The following ATOSA variants were observed in gnomAD, a reference collection of about 807,000 sequenced individuals.
ATOSA encodes atos homolog A, also known as atos homolog protein A.
chr15:52,657,113 T>C, the ATOSA span: 1 of 152,144 alleles, frequency 6.6e-6, no homozygotes, highest in Admixed American at 6.5e-5. Flanking sequence ...TCATAGAAAT[T>C]AAGGTAGCCG....
At chr15:52,656,697 A>C in the ATOSA span, 1 of 152,102 alleles carries the variant, frequency 6.6e-6, no homozygotes, top group South Asian at 2.1e-4. Flanking sequence ...TTATAAGCTA[A>C]GCTACTGGAC....
the ATOSA span, among the ~76,000 whole-genome samples, chr15:52,673,471 G>A: frequency 2.6e-5 from 4 of 152,188 alleles, no homozygotes; most frequent in African/African-American, 9.7e-5. Flanking sequence ...CTATGACTCA[G>A]TTTCGTTTAT....
At chr15:52,689,965 G>A in the ATOSA span, among the ~76,000 whole-genome samples, 1 of 152,174 alleles carries the variant, frequency 6.6e-6, no homozygotes, top group Non-Finnish European at 1.5e-5. Flanking sequence ...CCTAAATGAT[G>A]GCAATGATGG....
the ATOSA span, chr15:52,608,479 T>C: frequency 7.6e-7 from 1 of 1,310,282 alleles, no homozygotes; most frequent in Middle Eastern, 2.6e-4. Flanking sequence ...AATGGAACCT[T>C]GGGCCTTTAT....
At chr15:52,584,466 G>A in the ATOSA span, among the ~76,000 whole-genome samples, 2 of 152,024 alleles carry the variant, frequency 1.3e-5, no homozygotes, top group Admixed American at 6.6e-5. Context: ...AATAGTATTC[G>A]TTTAGAAAAT....
chr15:52,609,927 T>C, the ATOSA span: 12 of 1,610,844 alleles, frequency 7.4e-6, no homozygotes, highest in African/African-American at 1.1e-4. Context: ...CTGATGTTTC[T>C]TGTGATTTTA....
the ATOSA span, chr15:52,584,918 C>A: frequency 1.2e-6 from 2 of 1,611,844 alleles, no homozygotes; most frequent in Admixed American, 3.3e-5. Flanking sequence ...ACATCTTCAC[C>A]ACAGTCTTAT....
chr15:52,640,394 C>G, the ATOSA span, among the ~76,000 whole-genome samples: 2 of 151,004 alleles, frequency 1.3e-5, no homozygotes, highest in Non-Finnish European at 3.0e-5. Context: ...GGTGAAAACC[C>G]GACTCTACTA....
chr15:52,630,006 G>A, the ATOSA span, among the ~76,000 whole-genome samples: 2 of 152,172 alleles, frequency 1.3e-5, no homozygotes, highest in African/African-American at 4.8e-5. Flanking sequence ...AGTTCAACAG[G>A]TTAGGGCAGG....
the ATOSA span, among the ~76,000 whole-genome samples, chr15:52,648,254 G>A: frequency 6.6e-6 from 1 of 152,124 alleles, no homozygotes; most frequent in Non-Finnish European, 1.5e-5. Flanking sequence ...CTAAGGCCCA[G>A]AAGGTGAAAC....
the ATOSA span, chr15:52,651,748 T>C: frequency 7.4e-6 from 7 of 941,258 alleles, no homozygotes; most frequent in Non-Finnish European, 1.1e-5. Flanking sequence ...CAAAGTGAGA[T>C]AATTTTCCTA....
At chr15:52,597,150 A>ATTCTGTTCTGTTCTGTTCTG in the ATOSA span, among the ~76,000 whole-genome samples, 1 of 41,860 alleles carries the variant, frequency 2.4e-5, no homozygotes, top group Non-Finnish European at 4.7e-5. Context: ...ATTCTATTTT[A>ATTCTGTTCTGTTCTGTTCTG]TTCTGTTCTG....
At chr15:52,699,986 T>C in the ATOSA span, among the ~76,000 whole-genome samples, 1 of 152,316 alleles carries the variant, frequency 6.6e-6, no homozygotes, top group Non-Finnish European at 1.5e-5. Flanking sequence ...TTTTCCTTAA[T>C]GCTCAGAATA....
At chr15:52,591,326 G>T in the ATOSA span, among the ~76,000 whole-genome samples, 1 of 152,188 alleles carries the variant, frequency 6.6e-6, no homozygotes, top group African/African-American at 2.4e-5. Context: ...TGCCTCCCGG[G>T]TTCAAGCGAT....
At chr15:52,698,226 G>A in the ATOSA span, among the ~76,000 whole-genome samples, 4 of 151,894 alleles carry the variant, frequency 2.6e-5, no homozygotes, top group East Asian at 1.9e-4. Context: ...TGATCTGCCC[G>A]CCTCGGCCTC....
the ATOSA span, chr15:52,593,580 T>C: frequency 1.3e-6 from 2 of 1,562,874 alleles, no homozygotes; most frequent in Non-Finnish European, 8.7e-7. Flanking sequence ...ATACTTGCCA[T>C]ATAAGGAGAG....
At chr15:52,637,271 T>C in the ATOSA span, among the ~76,000 whole-genome samples, 3 of 152,072 alleles carry the variant, frequency 2.0e-5, no homozygotes, top group African/African-American at 7.2e-5. Context: ...TTCTGTTCTA[T>C]GGCACGGTGA....
At chr15:52,627,882 C>T in the ATOSA span, among the ~76,000 whole-genome samples, 418 of 152,210 alleles carry the variant, frequency 2.7e-3, no homozygotes, top group African/African-American at 9.7e-3. Context: ...CTGATTGTGT[C>T]TTCAACAAAA....
At chr15:52,664,208 T>C in the ATOSA span, among the ~76,000 whole-genome samples, 8 of 152,198 alleles carry the variant, frequency 5.3e-5, no homozygotes, top group Non-Finnish European at 1.0e-4. Context: ...CAAATTCTCA[T>C]TTGCTCTTTA....
Sources: gnomAD v4.1 joint callset for allele counts (sites outside exome capture counted in the v4.1 genomes callset) on GRCh38, gnomAD v4.1.1 for gene constraint, MANE v1.5 for transcripts, NCBI Gene and HGNC (gene_info 2026-07-23, HGNC 2026-07-21) for gene names.